Variants in CA10 observed in about 807,000 individuals in gnomAD.
CA10 encodes carbonic anhydrase-related protein 10.
Under a neutral mutation model 44.2 loss-of-function variants are expected in CA10, and 14 were observed. The ratio of observed to expected loss-of-function variants is 0.32; its 90% CI spans 0.21 to 0.50. The LOEUF is 0.50. CA10 is among the 20% of genes least tolerant of loss of function. The pLI is 0.99. For missense variants in CA10, 350 were observed against 409.7 expected (o/e 0.85, Z 1.26); for synonymous variants, 159 against 141.6 (o/e 1.12, Z -0.87).
intron 2 of CA10, among the ~76,000 whole-genome samples, chr17:52,022,652 GA>G (rs1253753327): frequency 2.7e-5 from 4 of 150,910 alleles, no homozygotes; most frequent in Admixed American, 6.6e-5. Flanking sequence ...ATCCAAATAG[GA>G]AAAAAAGTCA....
At chr17:52,112,304 G>A (rs1370320374) in intron 1 of CA10, among the ~76,000 whole-genome samples, 2 of 152,020 alleles carry the variant, frequency 1.3e-5, no homozygotes, top group Non-Finnish European at 2.9e-5. Context: ...AAGGAATATA[G>A]CTGAGCTCTA....
chr17:52,063,256 T>C (rs187221036), intron 2 of CA10, among the ~76,000 whole-genome samples: 29 of 152,322 alleles, frequency 1.9e-4, no homozygotes, highest in Admixed American at 2.0e-4. Flanking sequence ...CACAGGCTCA[T>C]AGGTGGAAGG....
intron 4 of CA10, among the ~76,000 whole-genome samples, chr17:51,693,918 C>T (rs573832530): frequency 1.3e-5 from 2 of 152,160 alleles, no homozygotes; most frequent in African/African-American, 4.8e-5. Flanking sequence ...AAGAAATTCA[C>T]CCCCGGCTGG....
At chr17:51,729,202 C>T (rs1374611206) in intron 4 of CA10, among the ~76,000 whole-genome samples, 1 of 152,192 alleles carries the variant, frequency 6.6e-6, no homozygotes, top group Non-Finnish European at 1.5e-5. Context: ...CTCAAACACA[C>T]CAAGCACACT....
At chr17:52,050,290 C>T (rs144164644) in intron 2 of CA10, among the ~76,000 whole-genome samples, 93 of 152,162 alleles carry the variant, frequency 6.1e-4, no homozygotes, top group African/African-American at 2.1e-3. Context: ...GTTCTGTAGA[C>T]ATTGTCTCCA....
intron 2 of CA10, among the ~76,000 whole-genome samples, chr17:52,067,711 C>T (rs1230670318): frequency 6.6e-6 from 1 of 152,164 alleles, no homozygotes; most frequent in Non-Finnish European, 1.5e-5. Flanking sequence ...GAGCTACCCA[C>T]CTCTTGCATC....
chr17:51,733,320 T>C (rs540915205), intron 4 of CA10, among the ~76,000 whole-genome samples: 9 of 152,286 alleles, frequency 5.9e-5, no homozygotes, highest in Admixed American at 2.6e-4. Flanking sequence ...GCTGGCTCCA[T>C]TGAAAGCCAC....
chr17:51,921,556 T>C (rs1009874588), intron 3 of CA10, among the ~76,000 whole-genome samples: 5 of 152,222 alleles, frequency 3.3e-5, no homozygotes, highest in Non-Finnish European at 7.3e-5. Flanking sequence ...TCTTCTGTAC[T>C]TTACTGTGTC....
At chr17:51,695,157 A>G (rs908242834) in intron 4 of CA10, among the ~76,000 whole-genome samples, 1 of 152,068 alleles carries the variant, frequency 6.6e-6, no homozygotes, top group Non-Finnish European at 1.5e-5. Flanking sequence ...TTGGTTCCAT[A>G]TGAATTTTAG....
chr17:51,834,240 G>T (rs1329585274), intron 3 of CA10, among the ~76,000 whole-genome samples: 2 of 152,168 alleles, frequency 1.3e-5, no homozygotes, highest in East Asian at 3.9e-4. Context: ...AATCTTTAAT[G>T]CATATCCTTT....
chr17:51,936,537 G>A (rs1343286302), intron 2 of CA10, among the ~76,000 whole-genome samples: 1 of 115,748 alleles, frequency 8.6e-6, no homozygotes, highest in African/African-American at 2.7e-5. Context: ...GAGAAGAGCT[G>A]GATGTGTTCA....
At chr17:51,992,850 A>T (rs1985090975) in intron 2 of CA10, among the ~76,000 whole-genome samples, 1 of 152,094 alleles carries the variant, frequency 6.6e-6, no homozygotes, top group Admixed American at 6.6e-5. Context: ...AGCCTTTTAG[A>T]TTGTTATAAC....
At position 52,106,530 on chromosome 17, in the gene CA10, C is replaced by T. The variant is rs150399287; in HGVS notation, c.62-34137G>A. ...GAAAATGCTATAAGTGCTACAAAAA[C>T]ACATGTCAAGTTCCATGCCTGTCTT... is the stretch of plus-strand genomic sequence containing the variant. On this transcript the variant is annotated intron_variant, in intron 1 of 8. Coordinates refer to ENST00000451037, the MANE Select transcript of CA10 (RefSeq NM_020178.5). Among the ~76,000 whole-genome samples, 623 of 152,274 alleles carry T rather than the reference C, an allele frequency of 4.1e-3. 5 individuals carry two copies. Among genetic ancestry groups the T allele is most frequent in the African/African-American group, 0.014 (593 of 41,562 alleles).
chr17:51,917,574 C>T (rs2143965273), intron 3 of CA10, among the ~76,000 whole-genome samples: 1 of 152,258 alleles, frequency 6.6e-6, no homozygotes, highest in East Asian at 1.9e-4. Flanking sequence ...CTGGGGAAGC[C>T]TCGGGGAGTT....
chr17:51,671,164 C>T (rs1392362648), intron 4 of CA10, among the ~76,000 whole-genome samples: 1 of 152,072 alleles, frequency 6.6e-6, no homozygotes, highest in Non-Finnish European at 1.5e-5. Flanking sequence ...ACAGCACTAA[C>T]CCTTTCCTGC....
intron 1 of CA10, among the ~76,000 whole-genome samples, chr17:52,149,758 T>G (rs1989664440): frequency 6.6e-6 from 1 of 152,214 alleles, no homozygotes; most frequent in Admixed American, 6.5e-5. Context: ...AATCTATATC[T>G]GGGTTATTCC....
chr17:51,636,190 A>G (rs1205652727), intron 6 of CA10, among the ~76,000 whole-genome samples, 181 bp from the exon 7 acceptor site: 1 of 152,178 alleles, frequency 6.6e-6, no homozygotes, highest in Non-Finnish European at 1.5e-5. Context: ...CTGCAGTAAC[A>G]AGCAGTTGTC....
chr17:52,029,248 C>G (rs957521754), intron 2 of CA10, among the ~76,000 whole-genome samples: 5 of 152,168 alleles, frequency 3.3e-5, no homozygotes, highest in African/African-American at 1.2e-4. Flanking sequence ...TGGACCCCCT[C>G]TTGCCTGATT....
At position 51,780,817 on chromosome 17, in the gene CA10, G is replaced by A. The variant is rs558676368; in HGVS notation, c.280-32999C>T. 5.9e-5 allele frequency among the ~76,000 whole-genome samples: 9 copies of A among 152,278 alleles called. No individual in the cohort carries two copies. In the East Asian group the frequency reaches 9.7e-4, roughly 16 times the overall value. The stretch of plus-strand genomic sequence containing the variant: ...GTGTGAGCAAGAGCCTGGAGGTTTC[G>A]AATTCTAAAGCAAGTGTCAGCAAAC... On this transcript the variant is annotated intron_variant, in intron 3 of 8. Transcript: ENST00000451037.
Sources: gnomAD v4.1 joint callset for allele counts (sites outside exome capture counted in the v4.1 genomes callset) on GRCh38, gnomAD v4.1.1 for gene constraint, MANE v1.5 for transcripts, NCBI Gene and HGNC (gene_info 2026-07-23, HGNC 2026-07-21) for gene names.